The following PTPN13 variants were observed in gnomAD, a reference collection of about 807,000 sequenced individuals.
PTPN13 encodes protein tyrosine phosphatase non-receptor type 13.
Under a neutral mutation model 284.0 loss-of-function variants are expected in PTPN13, and 191 were observed. The observed-to-expected ratio is 0.67, with a 90% CI of 0.60 to 0.76. PTPN13 has a LOEUF of 0.76. PTPN13 is among the 30% of genes least tolerant of loss of function. The pLI is 0.00. For synonymous variants in PTPN13, 986 were observed against 1,022.3 expected (o/e 0.96, Z 0.68); for missense variants, 2,797 against 2,939.9 (o/e 0.95, Z 1.12).
chr4:86,716,125 T>C (rs1732985461), intron 7 of PTPN13, among the ~76,000 whole-genome samples: 1 of 152,212 alleles, frequency 6.6e-6, no homozygotes. Context: ...ATAGTAAACA[T>C]TGAAAAACTG....
Position 86,769,776 on chromosome 4 carries a change from A to G in PTPN13, c.4497A>G (p.Thr1499=). 1.9e-6 allele frequency: 3 copies of G among 1,587,320 alleles called. No individual in the cohort carries two copies. The highest frequency in any genetic ancestry group is 2.6e-6 in the Non-Finnish European group (3 of 1,165,866). ...KDYSFVTEEN[T]FEVKLFKNSS... is the part of the protein sequence containing the mutation. Reference sequence around the variant, plus strand: ...TTATATCTTTTTCTCCAGAAAATACATTTGAGGTAAAATTATTTAAAAATA... The same window carrying G: ...TTATATCTTTTTCTCCAGAAAATACGTTTGAGGTAAAATTATTTAAAAATA... The change falls in exon 29 of 48, where the codon ACA becomes ACG. Residue 1499 remains threonine (T), a synonymous_variant. Coordinates refer to ENST00000411767, the MANE Select transcript of PTPN13 (RefSeq NM_080683.3).
intron 2 of PTPN13, among the ~76,000 whole-genome samples, chr4:86,646,376 C>T (rs1222462475): frequency 4.0e-5 from 6 of 150,016 alleles, no homozygotes; most frequent in Non-Finnish European, 4.4e-5. Flanking sequence ...CGGCTCACTG[C>T]AACCTCCACA....
chr4:86,771,030 C>G (rs1739934321), intron 30 of PTPN13, 141 bp from the exon 31 acceptor site: 2 of 801,756 alleles, frequency 2.5e-6, no homozygotes, highest in Admixed American at 6.2e-5. Flanking sequence ...ATATTATTTT[C>G]TCTATTGAAC....
Position 86,807,772 on chromosome 4 carries a change from C to T in PTPN13, c.6958C>T (p.Gln2320Ter), listed in dbSNP as rs1190482085. Reference protein sequence around the residue: ...QEVEGEKIKCQRYWPNILGKT... With the variant: ...QEVEGEKIKC Reference sequence around the variant, plus strand: ...AGTAGAAGGAGAAAAAATCAAATGCCAGCGCTATTGGCCCAACATCCTAGG... The same window carrying T: ...AGTAGAAGGAGAAAAAATCAAATGCTAGCGCTATTGGCCCAACATCCTAGG... The change falls in exon 45 of 48, where the codon CAG (glutamine) becomes TAG (stop). Residue 2320 changes from glutamine to a stop codon, truncating the protein, a stop_gained. Transcript: ENST00000411767. LOFTEE classifies it high-confidence loss of function. The T allele has an allele frequency of 1.9e-6, 3 of 1,613,864 alleles. No individual in the cohort carries two copies. The Admixed American group carries it at 5.0e-5, about 27-fold the overall frequency.
At chr4:86,670,330 T>C (rs1402427628) in intron 2 of PTPN13, among the ~76,000 whole-genome samples, 2 of 150,336 alleles carry the variant, frequency 1.3e-5, no homozygotes, top group Non-Finnish European at 3.0e-5. Flanking sequence ...ATAACAGATA[T>C]CTTAAATGTA....
intron 7 of PTPN13, among the ~76,000 whole-genome samples, chr4:86,711,677 A>C (rs762705690): frequency 6.6e-6 from 1 of 152,190 alleles, no homozygotes; most frequent in Non-Finnish European, 1.5e-5. Context: ...TAGTACACTA[A>C]TTTTTACATT....
intron 9 of PTPN13, 146 bp downstream of exon 9, chr4:86,717,263 A>G (rs1160600003): frequency 1.7e-6 from 1 of 579,462 alleles, no homozygotes; most frequent in Non-Finnish European, 3.0e-6. Flanking sequence ...ATCTCGGCTC[A>G]CTGCAACCTC....
At chr4:86,644,447 T>C (rs868782217) in intron 2 of PTPN13, among the ~76,000 whole-genome samples, 3 of 152,186 alleles carry the variant, frequency 2.0e-5, no homozygotes. Flanking sequence ...GCCAAGGTGA[T>C]TTAATTTATA....
Position 86,634,513 on chromosome 4 carries a change from A to G in PTPN13, c.-5-739A>G, listed in dbSNP as rs558379736. 7.2e-5 allele frequency among the ~76,000 whole-genome samples: 11 copies of G among 152,304 alleles called. No homozygotes were observed. In the East Asian group the frequency reaches 2.1e-3, roughly 29 times the overall value. On this transcript the variant is annotated intron_variant, in intron 1 of 47. Coordinates refer to ENST00000411767, the MANE Select transcript of PTPN13 (RefSeq NM_080683.3). ...AAATTTCAGCACAGACACTTATCTGATCTTTTATTAATTCACCTTCTGTAG... is the reference window on the plus strand; with the variant it reads ...AAATTTCAGCACAGACACTTATCTGGTCTTTTATTAATTCACCTTCTGTAG...
intron 1 of PTPN13, among the ~76,000 whole-genome samples, chr4:86,611,725 A>G (rs1473927840): frequency 6.6e-6 from 1 of 152,204 alleles, no homozygotes; most frequent in African/African-American, 2.4e-5. Flanking sequence ...CCCTGAGTTC[A>G]GGAGATGGAG....
chr4:86,659,712 A>G (rs1188251294), intron 2 of PTPN13, among the ~76,000 whole-genome samples: 1 of 152,068 alleles, frequency 6.6e-6, no homozygotes, highest in East Asian at 1.9e-4. Flanking sequence ...GCTACTCAGG[A>G]GGCTGAAGCA....
intron 47 of PTPN13, among the ~76,000 whole-genome samples, chr4:86,812,037 G>A (rs1017510121): frequency 2.0e-5 from 3 of 152,264 alleles, no homozygotes; most frequent in South Asian, 4.1e-4. Context: ...TAGGCCGGGC[G>A]CGGTGGCTCA....
chr4:86,655,213 TTTTAA>T (rs1725615135), intron 2 of PTPN13, among the ~76,000 whole-genome samples: 1 of 152,228 alleles, frequency 6.6e-6, no homozygotes, highest in South Asian at 2.1e-4. Context: ...AGTCTGTGTC[TTTTAA>T]TTTGAGTATT....
Position 86,799,785 on chromosome 4 carries a change from G to A in PTPN13, c.6505+581G>A, listed in dbSNP as rs552615799. ...TACATACTTTAAGTGGAAATATGAA[G>A]TCATAATTTTGCCATTCTGGAAGGA... On this transcript the variant is annotated intron_variant, in intron 42 of 47. Coordinates refer to ENST00000411767, the MANE Select transcript of PTPN13 (RefSeq NM_080683.3). Among the ~76,000 whole-genome samples the A allele has an allele frequency of 9.1e-5, 13 of 142,558 alleles. No homozygotes were observed. In the East Asian group the frequency reaches 2.5e-3, roughly 27 times the overall value. 93.5% of individuals were successfully genotyped at this position (142,558 alleles called of 152,430 possible).
At chr4:86,710,399 G>A (rs796863317) in intron 7 of PTPN13, among the ~76,000 whole-genome samples, 4 of 152,156 alleles carry the variant, frequency 2.6e-5, no homozygotes, top group African/African-American at 9.7e-5. Context: ...GCTTGAATAT[G>A]TGTCACTTGT....
In PTPN13 at chr4:86,745,126, T is replaced by C. The variant is rs1202880365; in HGVS notation, c.2648T>C (p.Ile883Thr). The change falls in exon 17 of 48, where the codon ATT becomes ACT. Residue 883 changes from isoleucine to threonine, a missense_variant and splice_region_variant. By Grantham distance (89) the Ile-to-Thr change is moderately conservative (BLOSUM62 -1). Transcript: ENST00000411767. Reference protein sequence around the residue: ...ARQSNQDAQDIERASFRSLNL... With the variant: ...ARQSNQDAQDTERASFRSLNL... ...CAGAGCAACCAAGATGCCCAAGATA[T>C]TGGTAAGGAGAAGCAGACTATTTCA... is the stretch of plus-strand genomic sequence containing the variant. 1 of 1,607,820 alleles carries C rather than the reference T, an allele frequency of 6.2e-7. No homozygotes were observed. Among genetic ancestry groups the C allele is most frequent in the Non-Finnish European group, 8.5e-7 (1 of 1,177,700 alleles).
At chr4:86,652,433 G>A (rs967372696) in intron 2 of PTPN13, among the ~76,000 whole-genome samples, 18 of 152,006 alleles carry the variant, frequency 1.2e-4, no homozygotes, top group African/African-American at 4.1e-4. Flanking sequence ...AGCATTTTTT[G>A]TAAGGCACAT....
At chr4:86,619,470 A>G (rs925643829) in intron 1 of PTPN13, among the ~76,000 whole-genome samples, 8 of 152,210 alleles carry the variant, frequency 5.3e-5, no homozygotes, top group African/African-American at 1.9e-4. Flanking sequence ...TCTAATTTTT[A>G]TATCTAAGCA....
rs1266622257 is a variant in PTPN13, at chr4:86,686,784, A to G, written c.360+9A>G. On this transcript the variant is annotated intron_variant, in intron 4 of 47. Coordinates refer to ENST00000411767, the MANE Select transcript of PTPN13 (RefSeq NM_080683.3). ...AAGTGCCTCAGAGCCAAGTAAGTTA[A>G]GTTTTTACAGTTGTTATACTTTTTA... 6.5e-7 allele frequency: 1 copy of G among 1,536,948 alleles called. No individual in the cohort carries two copies. Among genetic ancestry groups the G allele is most frequent in the Non-Finnish European group, 8.8e-7 (1 of 1,130,478 alleles).
Sources: gnomAD v4.1 joint callset for allele counts (sites outside exome capture counted in the v4.1 genomes callset) on GRCh38, gnomAD v4.1.1 for gene constraint, MANE v1.5 for transcripts, NCBI Gene and HGNC (gene_info 2026-07-23, HGNC 2026-07-21) for gene names.